JPH1: variants seen among roughly 807,000 people sequenced by gnomAD.
JPH1 encodes the protein junctophilin 1, also known as junctophilin-1.
Under a neutral mutation model 53.6 loss-of-function variants are expected in JPH1, and 12 were observed. The ratio of observed to expected loss-of-function variants is 0.22; its 90% CI spans 0.14 to 0.36. JPH1 has a LOEUF of 0.36. Ranked by LOEUF, JPH1 falls within the 10% of genes least tolerant of loss-of-function variation. The pLI is 1.00. For missense variants in JPH1, 808 were observed against 905.5 expected (o/e 0.89, Z 1.38); for synonymous variants, 375 against 363.8 (o/e 1.03, Z -0.35).
rs77001174 is a variant in JPH1, at chr8:74,280,176, T to C, written c.1140-20673A>G. 9.7e-3 allele frequency among the ~76,000 whole-genome samples: 1,473 copies of C among 152,280 alleles called. 28 individuals carry two copies. Among genetic ancestry groups the C allele is most frequent in the African/African-American group, 0.034 (1,410 of 41,536 alleles). On this transcript the variant is annotated intron_variant, in intron 2 of 5. Coordinates refer to ENST00000342232, the MANE Select transcript of JPH1 (RefSeq NM_020647.4). ...GTATTTGTAACTGTAGATTGCAAAGTCTAGCAATAGATGTTTATGTATATT... is the reference window on the plus strand; with the variant it reads ...GTATTTGTAACTGTAGATTGCAAAGCCTAGCAATAGATGTTTATGTATATT...
chr8:74,297,699 A>T (rs1159285496), intron 2 of JPH1, among the ~76,000 whole-genome samples: 1 of 152,220 alleles, frequency 6.6e-6, no homozygotes, highest in Non-Finnish European at 1.5e-5. Context: ...TTTGCACACA[A>T]CTAATAAAAA....
chr8:74,259,350 C>T (rs758959041), intron 3 of JPH1, 35 bp downstream of exon 3: 4 of 1,493,144 alleles, frequency 2.7e-6, no homozygotes, highest in Non-Finnish European at 3.7e-6. Flanking sequence ...AAAGCCAGTG[C>T]TCCTGCCTCA....
intron 2 of JPH1, among the ~76,000 whole-genome samples, chr8:74,313,925 A>G (rs1024347682): frequency 7.9e-5 from 12 of 152,184 alleles, no homozygotes; most frequent in African/African-American, 2.2e-4. Context: ...TCCTTCCCTA[A>G]TAGAACTTTA....
In JPH1 at chr8:74,282,609, T is replaced by C. The variant is rs145258768; in HGVS notation, c.1140-23106A>G. Among the ~76,000 whole-genome samples the C allele has an allele frequency of 7.6e-4, 115 of 152,300 alleles. 1 individual carries two copies. The highest frequency in any genetic ancestry group is 2.6e-3 in the African/African-American group (109 of 41,578). On this transcript the variant is annotated intron_variant, in intron 2 of 5. Transcript: ENST00000342232. Reference sequence around the variant, plus strand: ...ATTCTTTTGCGGAAGCTGAAAAAGTTAATCTCATAGAAGTAGAGAGTAAAA... The same window carrying C: ...ATTCTTTTGCGGAAGCTGAAAAAGTCAATCTCATAGAAGTAGAGAGTAAAA...
rs1177151462 is a variant in JPH1, at chr8:74,315,432, G to A, written c.568C>T (p.Arg190Cys). The A allele has an allele frequency of 1.2e-6, 2 of 1,611,600 alleles. No homozygotes were observed. The highest frequency in any genetic ancestry group is 1.3e-5 in the African/African-American group (1 of 74,906). The stretch of plus-strand genomic sequence containing the variant: ...TGGAAGTTGAGCACGAAACCGCCGC[G>A]GGTGCCGGCCGGGCTGTCGGCGGCG... ...AAAADSPAGT[R>C]GGFVLNFHAD... The change falls in exon 2 of 6, where the codon CGC (arginine) becomes TGC (cysteine). Residue 190 changes from arginine to cysteine, a missense_variant. Physicochemically the swap from Arg to Cys is radical, Grantham distance 180. Transcript: ENST00000342232. The surrounding 1 kb of genome is among the most constrained non-coding windows in gnomAD (Gnocchi z 6.3).
At chr8:74,258,734 T>C (rs1204365482) in intron 3 of JPH1, among the ~76,000 whole-genome samples, 1 of 152,218 alleles carries the variant, frequency 6.6e-6, no homozygotes, top group African/African-American at 2.4e-5. Flanking sequence ...ATAGAATCTG[T>C]AGCTGTCACT....
At chr8:74,245,926 A>G (rs1805849190) in intron 3 of JPH1, among the ~76,000 whole-genome samples, 1 of 152,026 alleles carries the variant, frequency 6.6e-6, no homozygotes, top group Non-Finnish European at 1.5e-5. Context: ...AAAAAAAAAA[A>G]AAAAAAGTGG....
In JPH1 at chr8:74,276,666, C is replaced by T. The variant is rs961210115; in HGVS notation, c.1140-17163G>A. ...CCTTGGGCCACCAGTTGGTGAGTGGCGGAAGCAAGGGTGACCTGAAGGTAA... is the reference window on the plus strand; with the variant it reads ...CCTTGGGCCACCAGTTGGTGAGTGGTGGAAGCAAGGGTGACCTGAAGGTAA... On this transcript the variant is annotated intron_variant, in intron 2 of 5. Coordinates refer to ENST00000342232, the MANE Select transcript of JPH1 (RefSeq NM_020647.4). Among the ~76,000 whole-genome samples, 5 of 152,160 alleles carry T rather than the reference C, an allele frequency of 3.3e-5. No homozygotes were observed. The East Asian group carries it at 7.7e-4, about 23-fold the overall frequency.
At chr8:74,298,168 C>T (rs1807575318) in intron 2 of JPH1, among the ~76,000 whole-genome samples, 2 of 152,200 alleles carry the variant, frequency 1.3e-5, no homozygotes, top group Admixed American at 6.5e-5. Flanking sequence ...ACTTGAAACT[C>T]ATGTTATCTT....
chr8:74,266,866 T>C (rs1806547979), intron 2 of JPH1, among the ~76,000 whole-genome samples: 1 of 152,164 alleles, frequency 6.6e-6, no homozygotes, highest in South Asian at 2.1e-4. Context: ...GAAACAGCTG[T>C]AATGTATAGC....
chr8:74,303,229 G>T (rs1002831494), intron 2 of JPH1, among the ~76,000 whole-genome samples: 9 of 152,196 alleles, frequency 5.9e-5, no homozygotes, highest in African/African-American at 2.2e-4. Context: ...TCCAAGCTCT[G>T]CAAGCACAGC....
chr8:74,319,507 T>C (rs1452618920), intron 1 of JPH1, among the ~76,000 whole-genome samples: 2 of 152,178 alleles, frequency 1.3e-5, no homozygotes, highest in African/African-American at 2.4e-5. Context: ...CACATAAAAC[T>C]ATTAGAGAAC....
intron 2 of JPH1, among the ~76,000 whole-genome samples, chr8:74,268,672 G>A (rs1044612119): frequency 2.6e-5 from 4 of 151,906 alleles, no homozygotes; most frequent in African/African-American, 9.7e-5. Context: ...AGACCTTCTG[G>A]GTAACAATGA....
At chr8:74,294,858 G>A (rs577721003) in intron 2 of JPH1, among the ~76,000 whole-genome samples, 4 of 152,320 alleles carry the variant, frequency 2.6e-5, no homozygotes, top group African/African-American at 9.6e-5. Context: ...ATGGTCCTCT[G>A]AGTAGCTATT....
chr8:74,293,802 T>C (rs1476556916), intron 2 of JPH1, among the ~76,000 whole-genome samples: 1 of 152,122 alleles, frequency 6.6e-6, no homozygotes, highest in African/African-American at 2.4e-5. Flanking sequence ...GAGCTGAAAC[T>C]ATGAGACTAT....
chr8:74,312,269 T>C (rs924765184), intron 2 of JPH1, among the ~76,000 whole-genome samples: 4 of 152,214 alleles, frequency 2.6e-5, no homozygotes, highest in Admixed American at 1.3e-4. Flanking sequence ...TTGTTTTTTT[T>C]GAGACAGGGT....
In JPH1 at chr8:74,235,945, C is replaced by T. The variant is rs571321019; in HGVS notation, c.*1106G>A. 1 of 152,282 alleles carries T rather than the reference C, an allele frequency of 6.6e-6. No homozygotes were observed. The highest frequency in any genetic ancestry group is 2.4e-5 in the African/African-American group (1 of 41,558). 9.4% of individuals were successfully genotyped at this position (152,282 alleles called of 1,614,324 possible). On this transcript the variant is annotated 3_prime_UTR_variant, in exon 6 of 6. Coordinates refer to ENST00000342232, the MANE Select transcript of JPH1 (RefSeq NM_020647.4). The stretch of plus-strand genomic sequence containing the variant: ...AAAGAGCAGAGCAGTTTATTAATAG[C>T]ATCTTGCTTAACTTTCATGGGAATT...
At chr8:74,264,837 G>C (rs771143133) in intron 2 of JPH1, among the ~76,000 whole-genome samples, 8 of 152,164 alleles carry the variant, frequency 5.3e-5, no homozygotes, top group Non-Finnish European at 7.4e-5. Context: ...TCATTGTCAT[G>C]TTTCTAAAGA....
At chr8:74,238,413 A>G (rs1805604764) in intron 4 of JPH1, among the ~76,000 whole-genome samples, 1 of 152,166 alleles carries the variant, frequency 6.6e-6, no homozygotes, top group Non-Finnish European at 1.5e-5. Flanking sequence ...CTGAGCCCAC[A>G]TCTCCGTGGT....
Sources: gnomAD v4.1 joint callset for allele counts (sites outside exome capture counted in the v4.1 genomes callset) on GRCh38, gnomAD v4.1.1 for gene constraint, Gnocchi (gnomAD v3.1) non-coding constraint, MANE v1.5 for transcripts, NCBI Gene and HGNC (gene_info 2026-07-23, HGNC 2026-07-21) for gene names.